NRXN1: variants seen among roughly 807,000 people sequenced by gnomAD.
NRXN1 encodes neurexin 1.
In NRXN1, 39 loss-of-function variants were observed where a neutral mutation model predicts 150.9. The ratio of observed to expected loss-of-function variants is 0.26; its 90% CI spans 0.20 to 0.34. The LOEUF is 0.34. Among genes scored for constraint, NRXN1 ranks in the 10% least tolerant of loss-of-function variants. The probability of loss-of-function intolerance (pLI) is 1.00; values close to 1 mark genes in which losing one functional copy is unlikely to be tolerated. For missense variants in NRXN1, 1,815 were observed against 1,949.9 expected (o/e 0.93, Z 1.30); for synonymous variants, 924 against 757.0 (o/e 1.22, Z -3.62).
intron 17 of NRXN1, among the ~76,000 whole-genome samples, chr2:50,309,619 T>C (rs896631483): frequency 6.6e-6 from 1 of 152,210 alleles, no homozygotes; most frequent in African/African-American, 2.4e-5. Flanking sequence ...CTTTTAGTTA[T>C]GCATAAAATC....
rs1341735881 is a variant in NRXN1 at position 51,029,192 on chromosome 2, C to T, written c.-919G>A. 1 of 152,332 alleles carries T rather than the reference C, an allele frequency of 6.6e-6. No individual in the cohort carries two copies. Among genetic ancestry groups the T allele is most frequent in the Admixed American group, 6.5e-5 (1 of 15,304 alleles). 9.4% of individuals were successfully genotyped at this position (152,332 alleles called of 1,614,324 possible). ...ATCTTGTCTTTTTTAAGGACTCAGA[C>T]ATCTGCAGAGAATTAAAGTCAAAAT... On this transcript the variant is annotated splice_region_variant and 5_prime_UTR_variant, in exon 2 of 23. It removes an upstream start codon present in the reference 5' UTR. Transcript: ENST00000401669.
intron 20 of NRXN1, among the ~76,000 whole-genome samples, chr2:50,054,388 G>C (rs1343135742): frequency 6.6e-6 from 1 of 152,116 alleles, no homozygotes; most frequent in African/African-American, 2.4e-5. Context: ...AGTTTTAGCA[G>C]ATTGCTCTCT....
intron 17 of NRXN1, among the ~76,000 whole-genome samples, chr2:50,414,522 TA>T (rs1293565391): frequency 6.6e-6 from 1 of 151,982 alleles, no homozygotes; most frequent in African/African-American, 2.4e-5. Context: ...GTTTTTTTAA[TA>T]AAAAACAAAC....
intron 3 of NRXN1, among the ~76,000 whole-genome samples, chr2:50,924,416 A>C (rs1381540308): frequency 6.6e-6 from 1 of 151,740 alleles, no homozygotes; most frequent in African/African-American, 2.4e-5. Flanking sequence ...AAAAGAGAGA[A>C]GCATTCATGC....
rs191976306 is a variant in NRXN1, at chr2:50,116,686, C to A, written c.3547-25192G>T. Among the ~76,000 whole-genome samples the A allele has an allele frequency of 7.2e-5, 11 of 152,164 alleles. No individual in the cohort carries two copies. In the East Asian group the frequency reaches 2.1e-3, roughly 29 times the overall value. ...CACATCTCTTCTTCTGAGGAATAGGCAAAATCTTCCTTCCCCAACACAGCT... is the reference window on the plus strand; with the variant it reads ...CACATCTCTTCTTCTGAGGAATAGGAAAAATCTTCCTTCCCCAACACAGCT... On this transcript the variant is annotated intron_variant, in intron 18 of 22. Transcript: ENST00000401669.
intron 18 of NRXN1, among the ~76,000 whole-genome samples, chr2:50,134,499 T>G (rs1373271883): frequency 6.6e-6 from 1 of 152,170 alleles, no homozygotes; most frequent in Non-Finnish European, 1.5e-5. Flanking sequence ...TAAGAAAGCC[T>G]TCACCATGCT....
At chr2:50,662,113 T>G (rs1396886644) in intron 5 of NRXN1, among the ~76,000 whole-genome samples, 1 of 152,084 alleles carries the variant, frequency 6.6e-6, no homozygotes, top group Non-Finnish European at 1.5e-5. Flanking sequence ...ACTGAAATGC[T>G]ATAAACTAAA....
chr2:50,764,782 T>C (rs1484868648), intron 5 of NRXN1, among the ~76,000 whole-genome samples: 1 of 151,986 alleles, frequency 6.6e-6, no homozygotes, highest in Non-Finnish European at 1.5e-5. Context: ...AAATCAAATC[T>C]ACCCACGCAA....
At chr2:50,479,123 A>G (rs529302797) in intron 15 of NRXN1, among the ~76,000 whole-genome samples, 1 of 152,320 alleles carries the variant, frequency 6.6e-6, no homozygotes, top group Admixed American at 6.5e-5. Context: ...TTCTCTTCAA[A>G]AACTTTTGCT....
At chr2:50,894,110 G>T (rs1001897441) in intron 5 of NRXN1, among the ~76,000 whole-genome samples, 3 of 151,844 alleles carry the variant, frequency 2.0e-5, no homozygotes, top group Non-Finnish European at 4.4e-5. Flanking sequence ...GAGGGGGAAG[G>T]GATAGCATTG....
At chr2:50,875,705 C>T (rs1678478015) in intron 5 of NRXN1, among the ~76,000 whole-genome samples, 1 of 151,778 alleles carries the variant, frequency 6.6e-6, no homozygotes, top group Non-Finnish European at 1.5e-5. Flanking sequence ...ACAGAACCAA[C>T]AGCTTGATAT....
intron 17 of NRXN1, among the ~76,000 whole-genome samples, chr2:50,438,616 C>T (rs1297579381): frequency 6.6e-6 from 1 of 152,082 alleles, no homozygotes; most frequent in Admixed American, 6.6e-5. Context: ...TCACTGAGGT[C>T]ATATATTGTT....
At position 50,669,815 on chromosome 2, in the gene NRXN1, T is replaced by A. The variant is rs564045859; in HGVS notation, c.833-46200A>T. 1.9e-4 allele frequency among the ~76,000 whole-genome samples: 29 copies of A among 148,994 alleles called. No individual in the cohort carries two copies. In the East Asian group the frequency reaches 3.9e-3, roughly 20 times the overall value. On this transcript the variant is annotated intron_variant, in intron 5 of 22. Coordinates refer to ENST00000401669, the MANE Select transcript of NRXN1 (RefSeq NM_001330078.2). ...TCCACAGCTACTCAAAATAAATAAA[T>A]AAATAAATAAAAATAGAAATAAAAA...
intron 5 of NRXN1, among the ~76,000 whole-genome samples, chr2:50,699,337 G>T (rs1693398958): frequency 6.6e-6 from 1 of 152,192 alleles, no homozygotes; most frequent in Non-Finnish European, 1.5e-5. Flanking sequence ...TCCAGATCCT[G>T]TGAATATGTC....
At chr2:50,493,927 G>A (rs1025820717) in intron 15 of NRXN1, among the ~76,000 whole-genome samples, 2 of 152,102 alleles carry the variant, frequency 1.3e-5, no homozygotes, top group Admixed American at 6.5e-5. Context: ...CATACTTACA[G>A]TGTTTTTTCT....
intron 2 of NRXN1, chr2:50,985,520 A>G (rs1266332677): frequency 6.6e-6 from 1 of 151,824 alleles, no homozygotes; most frequent in South Asian, 2.1e-4. Context: ...TGAAAAATAC[A>G]ATGTTTTAAG....
At chr2:50,199,529 C>A (rs1243512280) in intron 18 of NRXN1, among the ~76,000 whole-genome samples, 1 of 115,020 alleles carries the variant, frequency 8.7e-6, no homozygotes, top group African/African-American at 3.2e-5. Flanking sequence ...CTCATTCTCT[C>A]TTTCTTATAC....
chr2:50,434,079 C>T (rs1162219609), intron 17 of NRXN1, among the ~76,000 whole-genome samples: 1 of 90,726 alleles, frequency 1.1e-5, no homozygotes, highest in Non-Finnish European at 1.9e-5. Context: ...TTTTTTGAGA[C>T]GGAGTCTTGC....
intron 15 of NRXN1, among the ~76,000 whole-genome samples, chr2:50,473,152 T>C (rs2089680484): frequency 6.6e-6 from 1 of 151,984 alleles, no homozygotes; most frequent in Admixed American, 6.6e-5. Flanking sequence ...AGTCTGTACA[T>C]AAGTGGATAT....
Sources: allele counts gnomAD v4.1 joint callset (sites outside exome capture counted in the v4.1 genomes callset), GRCh38; gene constraint gnomAD v4.1.1; transcripts MANE v1.5; gene names NCBI Gene and HGNC (gene_info 2026-07-23, HGNC 2026-07-21).